SRR: variants seen among roughly 807,000 people sequenced by gnomAD.
The protein encoded by SRR is D-serine ammonia-lyase.
In SRR, 19 loss-of-function variants were observed where a neutral mutation model predicts 32.7. The ratio of observed to expected loss-of-function variants is 0.58; its 90% confidence interval spans 0.40 to 0.85. SRR has a LOEUF of 0.85. Among genes scored for constraint, SRR ranks in the 40% least tolerant of loss-of-function variants. SRR has a pLI of 0.00. For synonymous variants in SRR, 142 were observed against 140.9 expected, an observed-to-expected ratio of 1.01 and a Z score of -0.06; for missense variants, 373 against 404.7, an observed-to-expected ratio of 0.92 and a Z score of 0.67.
chr17:2,318,912 T>G lies in SRR; in HGVS notation c.382T>G (p.Cys128Gly). ...AGCCTACGGAGCGTCAATTGTATAC[T>G]GTGAACCTAGTGATGAGGTAAGGAG... ...IQAYGASIVYCEPSDESRENV... is the reference protein window; with the variant it reads ...IQAYGASIVYGEPSDESRENV... The change falls in exon 4 of 8, where the codon TGT becomes GGT. Residue 128 changes from cysteine (C) to glycine (G), a missense_variant. By Grantham distance (159) the Cys-to-Gly change is radical. Transcript: ENST00000344595. The G allele has an allele frequency of 6.2e-7, 1 of 1,613,022 alleles. No individual in the cohort carries two copies. Among genetic ancestry groups the G allele is most frequent in the East Asian group, 2.2e-5 (1 of 44,868 alleles).
chr17:2,321,517 C>T (rs1597269251), intron 5 of SRR, 25 bp from the exon 6 acceptor site: 3 of 1,612,818 alleles, frequency 1.9e-6, no homozygotes, highest in Non-Finnish European at 2.5e-6. Flanking sequence ...TATAAAACTG[C>T]TTACAGTTTA....
intron 1 of SRR, among the ~76,000 whole-genome samples, chr17:2,312,092 CAT>C (rs1433839034): frequency 6.6e-6 from 1 of 151,572 alleles, no homozygotes; most frequent in Non-Finnish European, 1.5e-5. Context: ...GGTGCACAGT[CAT>C]AGTCCCAGGT....
In SRR at chr17:2,323,854, A is replaced by T. The variant is rs2075556160; in HGVS notation, c.1004A>T (p.Tyr335Phe). ...WVKQAERPAS[Y>F]QSVSV is the part of the protein sequence containing the mutation. Reference sequence around the variant, plus strand: ...AAGCAGGCTGAAAGGCCAGCTTCTTATCAGTCTGTTTCTGTTTAATTTACA... The same window carrying T: ...AAGCAGGCTGAAAGGCCAGCTTCTTTTCAGTCTGTTTCTGTTTAATTTACA... Residue 335 changes from tyrosine to phenylalanine, a missense_variant, in exon 8 of 8, where the codon TAT becomes TTT. Tyr to Phe is a conservative substitution (Grantham distance 22). Coordinates refer to ENST00000344595, the MANE Select transcript of SRR (RefSeq NM_021947.3). 2 of 1,614,084 alleles carry T rather than the reference A, an allele frequency of 1.2e-6. No individual in the cohort carries two copies. The highest frequency in any genetic ancestry group is 1.7e-6 in the Non-Finnish European group (2 of 1,179,968).
In SRR at chr17:2,323,860, C is replaced by G. The variant is rs201876645; in HGVS notation, c.1010C>G (p.Ser337Cys). Residue 337 changes from serine to cysteine, a missense_variant, in exon 8 of 8, where the codon TCT becomes TGT. Physicochemically the swap from Ser to Cys is moderately radical, Grantham distance 112 (BLOSUM62 -1). Transcript: ENST00000344595. The part of the protein sequence containing the change: ...KQAERPASYQ[S>C]VSV Reference sequence around the variant, plus strand: ...GCTGAAAGGCCAGCTTCTTATCAGTCTGTTTCTGTTTAATTTACAGAAAAG... The same window carrying G: ...GCTGAAAGGCCAGCTTCTTATCAGTGTGTTTCTGTTTAATTTACAGAAAAG... 6.2e-7 allele frequency: 1 copy of G among 1,613,882 alleles called. No homozygotes were observed. Among genetic ancestry groups the G allele is most frequent in the South Asian group, 1.1e-5 (1 of 91,014 alleles).
intron 1 of SRR, among the ~76,000 whole-genome samples, chr17:2,311,352 C>T (rs1017841598): frequency 2.6e-5 from 4 of 151,598 alleles, no homozygotes; most frequent in African/African-American, 9.7e-5. Context: ...ATTGAGTTTT[C>T]GGGCCCGTCA....
At chr17:2,308,894 G>C (rs557276727) in intron 1 of SRR, among the ~76,000 whole-genome samples, 2 of 152,194 alleles carry the variant, frequency 1.3e-5, no homozygotes, top group East Asian at 3.9e-4. Flanking sequence ...TGAGGCAGGT[G>C]GATCATCTGA....
Position 2,324,179 on chromosome 17 carries a change from G to GA in SRR, c.*308dup. 1 of 1,514,586 alleles carries GA rather than the reference G, an allele frequency of 6.6e-7. No individual in the cohort carries two copies. The highest frequency in any genetic ancestry group is 8.8e-7 in the Non-Finnish European group (1 of 1,136,180). The allele number at this position is 1,514,586 out of a possible 1,614,324, so 93.8% of individuals were successfully genotyped here. ...AGTACTGACTGGCACCGGTAAGACA[G>GA]AATCTCTTTGAATCCATTACTCCAT... On this transcript the variant is annotated 3_prime_UTR_variant, in exon 8 of 8. Transcript: ENST00000344595.
At chr17:2,303,807 G>A (rs991637118), upstream of SRR, 67 of 1,131,268 alleles carry the variant, frequency 5.9e-5, no homozygotes, top group African/African-American at 1.0e-3. Context: ...GCGCGCGCTC[G>A]CCCACCTCCC....
chr17:2,324,875 A>C lies in SRR; in HGVS notation c.*1002A>C. On this transcript the variant is annotated 3_prime_UTR_variant, in exon 8 of 8. Transcript: ENST00000344595. ...AGCTATTTAGGAATTTACAGGCCAA[A>C]GTCTTCATTTATTGCCCAGTCCATT... 3.2e-6 allele frequency: 5 copies of C among 1,576,770 alleles called. No homozygotes were observed. Among genetic ancestry groups the C allele is most frequent in the South Asian group, 1.2e-5 (1 of 84,524 alleles).
At chr17:2,312,909 C>T (rs2075443580) in intron 1 of SRR, among the ~76,000 whole-genome samples, 1 of 152,160 alleles carries the variant, frequency 6.6e-6, no homozygotes, top group African/African-American at 2.4e-5. Flanking sequence ...TTCATTTGAG[C>T]TATGTAAACT....
chr17:2,308,357 T>C (rs1357566568), intron 1 of SRR, among the ~76,000 whole-genome samples: 1 of 152,180 alleles, frequency 6.6e-6, no homozygotes, highest in African/African-American at 2.4e-5. Flanking sequence ...AAGCTCATTC[T>C]TCAGAAATAA....
At position 2,324,204 on chromosome 17, in the gene SRR, T is replaced by C. The variant is rs1027391850; in HGVS notation, c.*331T>C. The C allele has an allele frequency of 8.5e-6, 13 of 1,521,020 alleles. No homozygotes were observed. The Admixed American group carries it at 1.6e-4, about 19-fold the overall frequency. 94.2% of individuals were successfully genotyped at this position (1,521,020 alleles called of 1,614,324 possible). A position where few individuals can be genotyped will look rare whatever the true frequency, so the allele number is the denominator to read the frequency against. ...GAATCTCTTTGAATCCATTACTCCA[T>C]GCCCCCTTGAGGCACTGTTGAAGAA... On this transcript the variant is annotated 3_prime_UTR_variant, in exon 8 of 8. Transcript: ENST00000344595.
At chr17:2,312,043 C>G (rs548879546) in intron 1 of SRR, among the ~76,000 whole-genome samples, 2 of 152,014 alleles carry the variant, frequency 1.3e-5, no homozygotes, top group South Asian at 4.2e-4. Flanking sequence ...GACTTCCTCT[C>G]TACTAAAATA....
chr17:2,320,543 C>A (rs1004957638), intron 4 of SRR, among the ~76,000 whole-genome samples: 6 of 148,564 alleles, frequency 4.0e-5, no homozygotes, highest in Admixed American at 4.0e-4. Flanking sequence ...TGTGAGCCAC[C>A]GTGCCTGGTC....
At chr17:2,310,858 T>C (rs1010878127) in intron 1 of SRR, among the ~76,000 whole-genome samples, 1 of 152,146 alleles carries the variant, frequency 6.6e-6, no homozygotes, top group Non-Finnish European at 1.5e-5. Context: ...GCCATTCTCC[T>C]GCCTCAGCCT....
intron 4 of SRR, 90 bp from the exon 5 acceptor site, chr17:2,321,216 G>A: frequency 6.8e-7 from 1 of 1,478,120 alleles, no homozygotes; most frequent in Non-Finnish European, 9.3e-7. Context: ...GAAAAAAGTA[G>A]ATGGTCAATA....
intron 1 of SRR, among the ~76,000 whole-genome samples, chr17:2,314,797 G>C (rs887259587): frequency 6.6e-6 from 1 of 150,566 alleles, no homozygotes; most frequent in African/African-American, 2.4e-5. Flanking sequence ...TAAAGAAAAT[G>C]AACATAGTTA....
chr17:2,307,078 A>G, intron 1 of SRR: 1 of 1,148,980 alleles, frequency 8.7e-7, no homozygotes, highest in Non-Finnish European at 1.3e-6. Flanking sequence ...TATGGAAAAG[A>G]TATTTGTTGG....
At position 2,318,901 on chromosome 17, in the gene SRR, C is replaced by T. The variant is rs2075501692; in HGVS notation, c.371C>T (p.Ser124Leu). ...KKLAIQAYGA[S>L]IVYCEPSDES... ...CTTGCAATACAAGCCTACGGAGCGT[C>T]AATTGTATACTGTGAACCTAGTGAT... Residue 124 changes from serine to leucine, a missense_variant, in exon 4 of 8, where the codon TCA becomes TTA. Physicochemically the swap from Ser to Leu is moderately radical, Grantham distance 145 (BLOSUM62 -2). Coordinates refer to ENST00000344595, the MANE Select transcript of SRR (RefSeq NM_021947.3). 1 of 1,613,514 alleles carries T rather than the reference C, an allele frequency of 6.2e-7. No individual in the cohort carries two copies. The highest frequency in any genetic ancestry group is 1.1e-5 in the South Asian group (1 of 91,072).
Sources: allele counts gnomAD v4.1 joint callset (sites outside exome capture counted in the v4.1 genomes callset), GRCh38; gene constraint gnomAD v4.1.1; transcripts MANE v1.5; gene names NCBI Gene and HGNC (gene_info 2026-07-23, HGNC 2026-07-21).